MLLT1: variants seen among roughly 807,000 people sequenced by gnomAD.
MLLT1 encodes protein ENL.
A neutral mutation model predicts 55.1 loss-of-function variants in MLLT1; 11 were observed. The observed-to-expected ratio is 0.20, with a 90% CI of 0.13 to 0.33. The LOEUF (loss-of-function observed/expected upper bound fraction) is 0.33. Among genes scored for constraint, MLLT1 ranks in the 10% least tolerant of loss-of-function variants. The pLI is 1.00. For synonymous variants in MLLT1, 323 were observed against 320.1 expected (o/e 1.01, Z -0.10); for missense variants, 536 against 760.6 (o/e 0.70, Z 3.47).
chr19:6,234,121 A>G (rs992535873), intron 3 of MLLT1, among the ~76,000 whole-genome samples: 2 of 152,224 alleles, frequency 1.3e-5, no homozygotes, highest in African/African-American at 4.8e-5. Context: ...TGGTTGGCTC[A>G]AGAAGGGTAA....
Position 6,222,109 on chromosome 19 carries a change from G to T in MLLT1, c.1110+12C>A, listed in dbSNP as rs2090904281. On this transcript the variant is annotated intron_variant, in intron 6 of 11. Coordinates refer to ENST00000252674, the MANE Select transcript of MLLT1 (RefSeq NM_005934.4). This position sits in a 1 kb window ranked among gnomAD's most constrained non-coding sequence, Gnocchi z 4.1. Reference sequence around the variant, plus strand: ...CCTGCACCTGGCTGCCCTGCCCCCAGCACTCACTCACCTCGGACTTGAAGG... The same window carrying T: ...CCTGCACCTGGCTGCCCTGCCCCCATCACTCACTCACCTCGGACTTGAAGG... 6.7e-7 allele frequency: 1 copy of T among 1,496,924 alleles called. No individual in the cohort carries two copies. The highest frequency in any genetic ancestry group is 2.4e-5 in the East Asian group (1 of 41,474). 92.7% of individuals were successfully genotyped at this position (1,496,924 alleles called of 1,614,324 possible).
At chr19:6,247,671 A>G (rs141165088) in intron 3 of MLLT1, among the ~76,000 whole-genome samples, 1,608 of 152,314 alleles carry the variant, frequency 0.011, 16 homozygotes, top group Non-Finnish European at 0.016. Flanking sequence ...GGGTGGTACT[A>G]TGGGTTAAGT....
chr19:6,213,687 C>G, intron 10 of MLLT1, 39 bp downstream of exon 10: 1 of 1,373,764 alleles, frequency 7.3e-7, no homozygotes, highest in Non-Finnish European at 1.0e-6. Context: ...CCACCCACCC[C>G]TCCGTAGCCT....
At chr19:6,269,582 AC>A (rs1190477335) in intron 2 of MLLT1, among the ~76,000 whole-genome samples, 1 of 152,144 alleles carries the variant, frequency 6.6e-6, no homozygotes, top group Non-Finnish European at 1.5e-5. Flanking sequence ...AACGCCCATC[AC>A]TTCCCCACTA....
rs1164651035 is a variant in MLLT1, at chr19:6,231,836, C to T, written c.277-1123G>A. Reference sequence around the variant, plus strand: ...AATTTCATCTGCTTTTCCTTAAGAACCCTGCCCCATCCCAAATGATGTAAG... The same window carrying T: ...AATTTCATCTGCTTTTCCTTAAGAATCCTGCCCCATCCCAAATGATGTAAG... On this transcript the variant is annotated intron_variant, in intron 3 of 11. Transcript: ENST00000252674. The surrounding 1 kb of genome is among the most constrained non-coding windows in gnomAD (Gnocchi z 5.1). Among the ~76,000 whole-genome samples the T allele has an allele frequency of 1.3e-5, 2 of 151,956 alleles. No homozygotes were observed. The highest frequency in any genetic ancestry group is 6.6e-5 in the Admixed American group (1 of 15,250).
chr19:6,263,571 C>T lies in MLLT1; in HGVS notation c.194-1261G>A, dbSNP rs2091322721. The stretch of plus-strand genomic sequence containing the variant: ...TACTCCAAGCCTGAAGAACTTCTAT[C>T]CCCCCAGACAGCGCCAAGAGGGATG... On this transcript the variant is annotated intron_variant, in intron 2 of 11. Transcript: ENST00000252674. The T allele has an allele frequency of 2.0e-5, 3 of 152,464 alleles. No individual in the cohort carries two copies. The East Asian group carries it at 5.8e-4, about 29-fold the overall frequency. 9.4% of individuals were successfully genotyped at this position (152,464 alleles called of 1,614,324 possible). A position where few individuals can be genotyped will look rare whatever the true frequency, so the allele number is the denominator to read the frequency against.
intron 7 of MLLT1, 23 bp from the exon 8 acceptor site, chr19:6,216,536 G>A (rs764029424): frequency 1.3e-6 from 2 of 1,493,130 alleles, no homozygotes; most frequent in South Asian, 1.2e-5. Context: ...GGCAGGGAGG[G>A]AGGGGAGACA....
chr19:6,275,621 C>T (rs916010368), intron 1 of MLLT1, among the ~76,000 whole-genome samples: 1 of 152,142 alleles, frequency 6.6e-6, no homozygotes, highest in Non-Finnish European at 1.5e-5. Context: ...ACAGGTACAC[C>T]GGGTCCTGGT....
At chr19:6,251,022 A>G (rs1397447260) in intron 3 of MLLT1, among the ~76,000 whole-genome samples, 1 of 152,184 alleles carries the variant, frequency 6.6e-6, no homozygotes, top group Non-Finnish European at 1.5e-5. Context: ...CTCCATTTAT[A>G]TGAAACTGCC....
rs56078373 is a variant in MLLT1, at chr19:6,256,690, C to T, written c.276+5538G>A. Among the ~76,000 whole-genome samples, 1 of 151,616 alleles carries T rather than the reference C, an allele frequency of 6.6e-6. No homozygotes were observed. Among genetic ancestry groups the T allele is most frequent in the African/African-American group, 2.4e-5 (1 of 41,222 alleles). ...AATGGTGTGAACCCGGGAGGCGGAG[C>T]TTGCAGTGAGCCGAGATGGCGCCAC... On this transcript the variant is annotated intron_variant, in intron 3 of 11. Coordinates refer to ENST00000252674, the MANE Select transcript of MLLT1 (RefSeq NM_005934.4). This position sits in a 1 kb window ranked among gnomAD's most constrained non-coding sequence, Gnocchi z 4.1.
rs565880116 is a variant in MLLT1 at position 6,251,623 on chromosome 19, G to A, written c.276+10605C>T. Among the ~76,000 whole-genome samples the A allele has an allele frequency of 9.2e-5, 14 of 152,302 alleles. No homozygotes were observed. The East Asian group carries it at 2.7e-3, about 29-fold the overall frequency. On this transcript the variant is annotated intron_variant, in intron 3 of 11. Transcript: ENST00000252674. ...GTTAATTTTAGATGTCAACTTGACTGAATTAAGAAATACCTAGAGGACCTG... is the reference window on the plus strand; with the variant it reads ...GTTAATTTTAGATGTCAACTTGACTAAATTAAGAAATACCTAGAGGACCTG...
At chr19:6,247,400 C>T (rs1172060468) in intron 3 of MLLT1, among the ~76,000 whole-genome samples, 1 of 152,110 alleles carries the variant, frequency 6.6e-6, no homozygotes, top group Non-Finnish European at 1.5e-5. Context: ...GAAAGCACCC[C>T]CAAAACCATG....
At position 6,266,435 on chromosome 19, in the gene MLLT1, G is replaced by C. The variant is rs112202122; in HGVS notation, c.194-4125C>G. ...CATGCTAGGACTCAAAGGGTTTACT[G>C]CCCACGTCTTATAAATTTTTTTTGT... On this transcript the variant is annotated intron_variant, in intron 2 of 11. Transcript: ENST00000252674. 1.6e-3 allele frequency among the ~76,000 whole-genome samples: 242 copies of C among 152,144 alleles called. 1 individual carries two copies. The highest frequency in any genetic ancestry group is 5.6e-3 in the African/African-American group (231 of 41,520).
At chr19:6,214,974 T>C (rs1023056004) in intron 8 of MLLT1, among the ~76,000 whole-genome samples, 3 of 151,872 alleles carry the variant, frequency 2.0e-5, no homozygotes, top group African/African-American at 7.3e-5. Context: ...TGCAGCTGCC[T>C]CCCGGCTCTG....
intron 10 of MLLT1, 37 bp from the exon 11 acceptor site, chr19:6,213,445 GC>G: frequency 6.6e-7 from 1 of 1,514,634 alleles, no homozygotes. Context: ...GCGTGTGGGG[GC>G]CCTGGACCCT....
In MLLT1 at chr19:6,227,851, G is replaced by C. The variant is rs1288262798; in HGVS notation, c.421-749C>G. On this transcript the variant is annotated intron_variant, in intron 4 of 11. Transcript: ENST00000252674. This position sits in a 1 kb window ranked among gnomAD's most constrained non-coding sequence, Gnocchi z 5.1. Reference sequence around the variant, plus strand: ...AGCAAGGTCTTGAGATATCAACACTGCGAGTTAAGGAATGCCACCACCACA... The same window carrying C: ...AGCAAGGTCTTGAGATATCAACACTCCGAGTTAAGGAATGCCACCACCACA... 1.3e-5 allele frequency among the ~76,000 whole-genome samples: 2 copies of C among 152,310 alleles called. No individual in the cohort carries two copies. Among genetic ancestry groups the C allele is most frequent in the East Asian group, 3.9e-4 (2 of 5,180 alleles).
chr19:6,251,075 G>A (rs552538176), intron 3 of MLLT1, among the ~76,000 whole-genome samples: 11 of 152,176 alleles, frequency 7.2e-5, no homozygotes, highest in Non-Finnish European at 1.6e-4. Context: ...ATGAGTAGCT[G>A]CCAGGAACAG....
chr19:6,214,498 C>T (rs1213143288), intron 8 of MLLT1, among the ~76,000 whole-genome samples: 2 of 152,210 alleles, frequency 1.3e-5, no homozygotes, highest in Non-Finnish European at 2.9e-5. Flanking sequence ...CAGCAGGCCT[C>T]CATCAGTCAC....
At chr19:6,218,603 G>A (rs2090867989) in intron 6 of MLLT1, among the ~76,000 whole-genome samples, 1 of 152,186 alleles carries the variant, frequency 6.6e-6, no homozygotes, top group African/African-American at 2.4e-5. Flanking sequence ...CAGAAGCCAT[G>A]GGCAAGCCCG....
Sources: allele counts gnomAD v4.1 joint callset (sites outside exome capture counted in the v4.1 genomes callset), GRCh38; gene constraint gnomAD v4.1.1; non-coding constraint Gnocchi (gnomAD v3.1); transcripts MANE v1.5; gene names NCBI Gene and HGNC (gene_info 2026-07-23, HGNC 2026-07-21).